UBTD1: variants seen among roughly 807,000 people sequenced by gnomAD.
UBTD1 encodes the protein ubiquitin domain containing 1.
A neutral mutation model predicts 21.7 loss-of-function variants in UBTD1; 19 were observed. The observed-to-expected ratio is 0.87, with a 90% CI of 0.61 to 1.28. UBTD1 has a LOEUF of 1.28. Ranked by LOEUF, UBTD1 falls within the 50% of genes most tolerant of loss-of-function variation. The pLI, the probability that UBTD1 is intolerant of heterozygous loss-of-function variation, is 0.00. For missense variants in UBTD1, 282 were observed against 315.1 expected, an observed-to-expected ratio of 0.89 and a Z score of 0.80; for synonymous variants, 116 against 135.1, an observed-to-expected ratio of 0.86 and a Z score of 0.98.
intron 1 of UBTD1, among the ~76,000 whole-genome samples, chr10:97,512,850 CA>C (rs1479376903): frequency 6.6e-6 from 1 of 152,228 alleles, no homozygotes; most frequent in Non-Finnish European, 1.5e-5. Context: ...AGCAAGTGTG[CA>C]AGGAGAGACT....
chr10:97,551,124 G>A (rs955300199), intron 1 of UBTD1, among the ~76,000 whole-genome samples: 3 of 152,188 alleles, frequency 2.0e-5, no homozygotes, highest in African/African-American at 7.2e-5. Flanking sequence ...TGTGAGGTAG[G>A]CCCTGAGAAT....
chr10:97,533,303 G>C (rs1474675361), intron 1 of UBTD1, among the ~76,000 whole-genome samples: 1 of 152,238 alleles, frequency 6.6e-6, no homozygotes, highest in Non-Finnish European at 1.5e-5. Context: ...CCCACTGCTA[G>C]AGCCTGTCTG....
At chr10:97,506,771 T>C (rs1353443146) in intron 1 of UBTD1, among the ~76,000 whole-genome samples, 6 of 152,242 alleles carry the variant, frequency 3.9e-5, no homozygotes, top group Non-Finnish European at 2.9e-5. Context: ...ATTTCTCCTT[T>C]TGTGGCTGGC....
intron 1 of UBTD1, among the ~76,000 whole-genome samples, chr10:97,551,364 C>G (rs1449906524): frequency 4.1e-5 from 6 of 144,976 alleles, no homozygotes; most frequent in East Asian, 4.3e-4. Flanking sequence ...AGGGAGACCT[C>G]TCTATTAAAA....
chr10:97,522,601 G>C (rs2040471039), intron 1 of UBTD1, among the ~76,000 whole-genome samples: 1 of 152,168 alleles, frequency 6.6e-6, no homozygotes, highest in East Asian at 1.9e-4. Context: ...AGAGATGCTT[G>C]ATCTTGTCAT....
intron 1 of UBTD1, among the ~76,000 whole-genome samples, chr10:97,541,369 T>C (rs1271689229): frequency 6.6e-6 from 1 of 151,910 alleles, no homozygotes; most frequent in Non-Finnish European, 1.5e-5. Context: ...CCCAGCTACT[T>C]TGGGAGGTTG....
At chr10:97,506,442 A>G (rs961544602) in intron 1 of UBTD1, among the ~76,000 whole-genome samples, 1 of 151,636 alleles carries the variant, frequency 6.6e-6, no homozygotes, top group African/African-American at 2.4e-5. Context: ...CCTGGTAGAC[A>G]GTAGTCACTT....
intron 1 of UBTD1, among the ~76,000 whole-genome samples, chr10:97,549,839 C>A (rs989405648): frequency 2.6e-5 from 4 of 152,224 alleles, no homozygotes; most frequent in Non-Finnish European, 4.4e-5. Flanking sequence ...GTTACCTAGG[C>A]TCTGAGGGTC....
intron 1 of UBTD1, among the ~76,000 whole-genome samples, chr10:97,552,789 G>A (rs1050657856): frequency 1.1e-4 from 17 of 152,140 alleles, no homozygotes; most frequent in Non-Finnish European, 7.3e-5. Flanking sequence ...ACGTTTTCCC[G>A]TGTTAGCATC....
intron 1 of UBTD1, among the ~76,000 whole-genome samples, chr10:97,558,384 C>T (rs1452024908): frequency 1.3e-5 from 2 of 152,154 alleles, no homozygotes; most frequent in African/African-American, 4.8e-5. Context: ...TCACCACAGC[C>T]TGGGCATACT....
At chr10:97,503,300 A>G (rs1251957839) in intron 1 of UBTD1, among the ~76,000 whole-genome samples, 2 of 152,194 alleles carry the variant, frequency 1.3e-5, no homozygotes, top group Non-Finnish European at 2.9e-5. Flanking sequence ...TGGTTCTTGT[A>G]TGCTTCGGAG....
At chr10:97,512,140 A>G (rs1434778296) in intron 1 of UBTD1, among the ~76,000 whole-genome samples, 1 of 152,078 alleles carries the variant, frequency 6.6e-6, no homozygotes, top group African/African-American at 2.4e-5. Context: ...ATAATACTGG[A>G]GTTTCTGTGG....
At position 97,548,077 on chromosome 10, in the gene UBTD1, A is replaced by G. The variant is rs143717409; in HGVS notation, c.71-19837A>G. ...GCTCTTTTTACAGATGGAAACACCA[A>G]AGCTTAGGTTGGTGAGGTCATCCAC... On this transcript the variant is annotated intron_variant, in intron 1 of 2. Transcript: ENST00000370664. Among the ~76,000 whole-genome samples the G allele has an allele frequency of 1.1e-3, 170 of 152,312 alleles. 1 individual carries two copies. The highest frequency in any genetic ancestry group is 3.9e-3 in the African/African-American group (164 of 41,564).
intron 1 of UBTD1, among the ~76,000 whole-genome samples, chr10:97,547,900 T>TG (rs66674170): frequency 0.56 from 82,519 of 148,020 alleles, 24,801 homozygotes; most frequent in Non-Finnish European, 0.7. Context: ...AGCAACTTTA[T>TG]GAAAAAAAAA....
At chr10:97,539,485 C>G (rs1052452499) in intron 1 of UBTD1, among the ~76,000 whole-genome samples, 7 of 151,806 alleles carry the variant, frequency 4.6e-5, no homozygotes, top group African/African-American at 1.5e-4. Context: ...GTCCCAGCTA[C>G]TCGGGAGGCT....
Position 97,503,203 on chromosome 10 carries a change from G to A in UBTD1, c.70+3930G>A, listed in dbSNP as rs374882635. 2.4e-3 allele frequency among the ~76,000 whole-genome samples: 373 copies of A among 152,280 alleles called. 2 individuals are homozygous for A. The highest frequency in any genetic ancestry group is 0.013 in the South Asian group (64 of 4,822). ...AGTGCTGGGATTACTGGCGTGAGCCGCCACACCCAGCCTTAAAAATTTTTT... is the reference window on the plus strand; with the variant it reads ...AGTGCTGGGATTACTGGCGTGAGCCACCACACCCAGCCTTAAAAATTTTTT... On this transcript the variant is annotated intron_variant, in intron 1 of 2. Coordinates refer to ENST00000370664, the MANE Select transcript of UBTD1 (RefSeq NM_024954.5).
chr10:97,507,656 A>G (rs982533002), intron 1 of UBTD1, among the ~76,000 whole-genome samples: 6 of 151,436 alleles, frequency 4.0e-5, no homozygotes, highest in Non-Finnish European at 8.8e-5. Context: ...CGTGCCTGTA[A>G]TCCCAGCTAC....
chr10:97,525,413 G>T (rs560763215), intron 1 of UBTD1, among the ~76,000 whole-genome samples: 4 of 152,278 alleles, frequency 2.6e-5, no homozygotes, highest in Admixed American at 2.6e-4. Context: ...GAATTAGGAG[G>T]GCTTCACAGA....
At chr10:97,527,434 C>T (rs1238085602) in intron 1 of UBTD1, among the ~76,000 whole-genome samples, 2 of 151,016 alleles carry the variant, frequency 1.3e-5, no homozygotes, top group Non-Finnish European at 3.0e-5. Flanking sequence ...CCTCACTGAT[C>T]TGCCCTTCTT....
Sources: gnomAD v4.1 joint callset for allele counts (sites outside exome capture counted in the v4.1 genomes callset) on GRCh38, gnomAD v4.1.1 for gene constraint, MANE v1.5 for transcripts, NCBI Gene and HGNC (gene_info 2026-07-23, HGNC 2026-07-21) for gene names.